Variants in FUT8 observed in about 807,000 individuals in gnomAD.
FUT8 encodes alpha-(1,6)-fucosyltransferase.
FUT8 carries 29 observed loss-of-function variants against 71.3 expected under a neutral mutation model. The ratio of observed to expected loss-of-function variants is 0.41; its 90% CI spans 0.30 to 0.55. FUT8 has a LOEUF of 0.55. Ranked by LOEUF, FUT8 falls within the 20% of genes least tolerant of loss-of-function variation. FUT8 has a pLI of 0.34. For missense variants in FUT8, 544 were observed against 702.1 expected (o/e 0.77, Z 2.55); for synonymous variants, 254 against 239.3 (o/e 1.06, Z -0.57).
rs1426235362 is a variant in FUT8 at position 65,483,389 on chromosome 14, G to T, written c.-228+27671G>T. Among the ~76,000 whole-genome samples the T allele has an allele frequency of 6.6e-6, 1 of 152,182 alleles. No homozygotes were observed. The highest frequency in any genetic ancestry group is 2.4e-5 in the African/African-American group (1 of 41,440). On this transcript the variant is annotated intron_variant, in intron 2 of 10. Transcript: ENST00000673929. This position sits in a 1 kb window ranked among gnomAD's most constrained non-coding sequence, Gnocchi z 4.4. ...TCCAACCCCATGTTAAATAGTTAGT[G>T]ATCCTTTTTATTAAGCTTTCACTTT...
intron 7 of FUT8, among the ~76,000 whole-genome samples, chr14:65,718,933 T>C (rs1445634683): frequency 3.3e-5 from 5 of 152,186 alleles, no homozygotes; most frequent in Non-Finnish European, 5.9e-5. Flanking sequence ...TTAAATGCCT[T>C]GAATGGTAGT....
chr14:65,562,028 A>C lies in FUT8; in HGVS notation c.203+262A>C, dbSNP rs377317630. Among the ~76,000 whole-genome samples, 24 of 151,836 alleles carry C rather than the reference A, an allele frequency of 1.6e-4. No individual in the cohort carries two copies. In the East Asian group the frequency reaches 3.3e-3, roughly 21 times the overall value. On this transcript the variant is annotated intron_variant, in intron 3 of 10. Coordinates refer to ENST00000673929, the MANE Select transcript of FUT8 (RefSeq NM_001371533.1). ...GTAAACTTTCTTAAAACATTCTGAG[A>C]TTTTTTTATTTTTTTTTAAGCTCAT... is the stretch of plus-strand genomic sequence containing the variant.
intron 1 of FUT8, among the ~76,000 whole-genome samples, chr14:65,429,833 C>T (rs1458783713): frequency 7.6e-6 from 1 of 132,198 alleles, no homozygotes; most frequent in African/African-American, 2.8e-5. Context: ...CACTGCGCTC[C>T]AGCCTGGATA....
chr14:65,666,121 T>G lies in FUT8; in HGVS notation c.598-3122T>G, dbSNP rs1205020463. On this transcript the variant is annotated intron_variant, in intron 6 of 10. Transcript: ENST00000673929. ...AAAATGCAATGTTAAAAAAGAGAAG[T>G]GAAAGAATTTTTTAAATGTAACTGC... Among the ~76,000 whole-genome samples the G allele has an allele frequency of 4.6e-5, 7 of 151,598 alleles. No homozygotes were observed. The South Asian group carries it at 1.5e-3, about 32-fold the overall frequency.
At chr14:65,566,660 T>G (rs549397826) in intron 3 of FUT8, among the ~76,000 whole-genome samples, 170 of 152,060 alleles carry the variant, frequency 1.1e-3, no homozygotes, top group African/African-American at 3.7e-3. Flanking sequence ...TAAGAGGTAA[T>G]GCAACTTACA....
chr14:65,504,148 ATTAG>A (rs1217788312), intron 2 of FUT8, among the ~76,000 whole-genome samples: 2 of 152,244 alleles, frequency 1.3e-5, no homozygotes, highest in African/African-American at 4.8e-5. Flanking sequence ...GCTTTTTTGT[ATTAG>A]TTGAACTTTC....
intron 6 of FUT8, among the ~76,000 whole-genome samples, chr14:65,657,266 G>A (rs1015699274): frequency 1.3e-5 from 2 of 152,098 alleles, no homozygotes; most frequent in African/African-American, 4.8e-5. Context: ...AACAGTTTGG[G>A]CGTTCCTCAT....
At chr14:65,575,729 C>T (rs1476136731) in intron 3 of FUT8, among the ~76,000 whole-genome samples, 1 of 151,998 alleles carries the variant, frequency 6.6e-6, no homozygotes, top group Non-Finnish European at 1.5e-5. Context: ...AGCAAATCTC[C>T]CACCTCGGCC....
At chr14:65,376,190 C>A in the FUT8 span, among the ~76,000 whole-genome samples, 1 of 152,098 alleles carries the variant, frequency 6.6e-6, no homozygotes, top group Non-Finnish European at 1.5e-5. Context: ...AAGAAAATTT[C>A]TATTTGTCAA....
At chr14:65,511,675 G>A (rs1272424161) in intron 2 of FUT8, among the ~76,000 whole-genome samples, 1 of 152,034 alleles carries the variant, frequency 6.6e-6, no homozygotes, top group Non-Finnish European at 1.5e-5. Flanking sequence ...TACAGTTTTT[G>A]TCTTGAAATC....
chr14:65,697,367 G>C (rs1462720677), intron 7 of FUT8, among the ~76,000 whole-genome samples: 1 of 152,134 alleles, frequency 6.6e-6, no homozygotes. Context: ...TGATGTGATG[G>C]TATGGTTTGT....
At chr14:65,465,807 C>G (rs2066034672) in intron 2 of FUT8, among the ~76,000 whole-genome samples, 1 of 152,134 alleles carries the variant, frequency 6.6e-6, no homozygotes, top group Admixed American at 6.5e-5. Context: ...ATGGTGTCAT[C>G]AGTTCTATGA....
At chr14:65,637,563 A>G (rs1230538690) in intron 6 of FUT8, among the ~76,000 whole-genome samples, 1 of 152,180 alleles carries the variant, frequency 6.6e-6, no homozygotes, top group Non-Finnish European at 1.5e-5. Flanking sequence ...TGAATAAAGT[A>G]TGTAAAAAGA....
intron 7 of FUT8, among the ~76,000 whole-genome samples, chr14:65,687,667 A>G (rs937831509): frequency 1.3e-4 from 20 of 152,168 alleles, no homozygotes; most frequent in Admixed American, 2.6e-4. Context: ...AAAATTGAAC[A>G]GAAAATAAGA....
intron 3 of FUT8, among the ~76,000 whole-genome samples, chr14:65,575,098 A>T (rs1053477163): frequency 1.3e-5 from 2 of 150,458 alleles, no homozygotes; most frequent in African/African-American, 4.9e-5. Flanking sequence ...TTATTTATTA[A>T]TTTATTTTAT....
At chr14:65,511,779 G>A (rs1566793353) in intron 2 of FUT8, among the ~76,000 whole-genome samples, 1 of 152,136 alleles carries the variant, frequency 6.6e-6, no homozygotes, top group Admixed American at 6.5e-5. Context: ...CAATCTGTGT[G>A]TGTCTTTATA....
At position 65,651,375 on chromosome 14, in the gene FUT8, C is replaced by G. The variant is rs1891400209; in HGVS notation, c.598-17868C>G. On this transcript the variant is annotated intron_variant, in intron 6 of 10. Transcript: ENST00000673929. ...CAGAACAGAACAACACTAAAAAGAC[C>G]CTAACAATTAAATTGACATTTGATT... Among the ~76,000 whole-genome samples, 3 of 152,178 alleles carry G rather than the reference C, an allele frequency of 2.0e-5. No homozygotes were observed. The South Asian group carries it at 6.2e-4, about 32-fold the overall frequency.
chr14:65,420,067 G>A (rs981137161), intron 1 of FUT8, among the ~76,000 whole-genome samples: 1 of 152,034 alleles, frequency 6.6e-6, no homozygotes, highest in Non-Finnish European at 1.5e-5. Context: ...CTGAAAAGAT[G>A]TATACCTACT....
intron 7 of FUT8, among the ~76,000 whole-genome samples, chr14:65,685,508 A>T (rs1305077237): frequency 6.6e-6 from 1 of 152,218 alleles, no homozygotes; most frequent in Non-Finnish European, 1.5e-5. Context: ...GGGTTCTTGG[A>T]TCTCACACGA....
Sources: allele counts gnomAD v4.1 joint callset (sites outside exome capture counted in the v4.1 genomes callset), GRCh38; gene constraint gnomAD v4.1.1; non-coding constraint Gnocchi (gnomAD v3.1); transcripts MANE v1.5; gene names NCBI Gene and HGNC (gene_info 2026-07-23, HGNC 2026-07-21).